Variants in KCNH8 observed in about 807,000 individuals in gnomAD.
KCNH8 encodes voltage-gated delayed rectifier potassium channel KCNH8.
KCNH8 carries 70 observed loss-of-function variants against 103.6 expected under a neutral mutation model. The ratio of observed to expected loss-of-function variants is 0.68; its 90% CI spans 0.56 to 0.82. The LOEUF (loss-of-function observed/expected upper bound fraction) is 0.82, where lower values mean the gene tolerates loss of function less well. Ranked by LOEUF, KCNH8 falls within the 40% of genes least tolerant of loss-of-function variation. The probability of loss-of-function intolerance (pLI) is 0.00; values close to 1 mark genes in which losing one functional copy is unlikely to be tolerated. For synonymous variants in KCNH8, 498 were observed against 489.4 expected, an observed-to-expected ratio of 1.02 and a Z score of -0.23; for missense variants, 1,217 against 1,329.9, an observed-to-expected ratio of 0.92 and a Z score of 1.32.
chr3:19,403,400 A>ATATATATATATATATATATAT (rs1553591408), intron 7 of KCNH8, among the ~76,000 whole-genome samples: 4 of 141,654 alleles, frequency 2.8e-5, no homozygotes, highest in East Asian at 2.1e-4. Flanking sequence ...ATATATATAT[A>ATATATATATATATATATATAT]AAATCCTTCT....
At chr3:19,494,039 T>C (rs1392490523) in intron 11 of KCNH8, among the ~76,000 whole-genome samples, 2 of 152,164 alleles carry the variant, frequency 1.3e-5, no homozygotes, top group African/African-American at 2.4e-5. Flanking sequence ...CAGTGTCTGT[T>C]GTTCTCTTTG....
chr3:19,501,493 A>G (rs998241716), intron 11 of KCNH8, among the ~76,000 whole-genome samples: 28 of 152,340 alleles, frequency 1.8e-4, no homozygotes, highest in Non-Finnish European at 3.1e-4. Flanking sequence ...TTTTAGACCA[A>G]TATCCCTGAT....
chr3:19,395,188 A>G lies in KCNH8; in HGVS notation c.1054A>G (p.Ser352Gly). The G allele has an allele frequency of 6.2e-7, 1 of 1,610,794 alleles. No homozygotes were observed. Among genetic ancestry groups the G allele is most frequent in the Non-Finnish European group, 8.5e-7 (1 of 1,178,468 alleles). Reference sequence around the variant, plus strand: ...GAAGTTAGACCGCTATTCCCAACACAGTACTATCGTCCTGACTCTGCTCAT... The same window carrying G: ...GAAGTTAGACCGCTATTCCCAACACGGTACTATCGTCCTGACTCTGCTCAT... ...LQKLDRYSQH[S>G]TIVLTLLMSM... Residue 352 changes from serine to glycine, a missense_variant, in exon 7 of 16, where the codon AGT becomes GGT. Transcript: ENST00000328405.
At chr3:19,527,475 A>G (rs565762005) in intron 15 of KCNH8, among the ~76,000 whole-genome samples, 14 of 152,190 alleles carry the variant, frequency 9.2e-5, no homozygotes, top group African/African-American at 2.2e-4. Context: ...TATATCTGTT[A>G]TATTATTTAA....
At chr3:19,511,932 T>A (rs934047650) in intron 12 of KCNH8, among the ~76,000 whole-genome samples, 1 of 152,292 alleles carries the variant, frequency 6.6e-6, no homozygotes, top group East Asian at 1.9e-4. Context: ...AAAATCCGTA[T>A]ACACCAAAAT....
At chr3:19,518,302 G>A (rs1225331971) in intron 15 of KCNH8, among the ~76,000 whole-genome samples, 1 of 152,020 alleles carries the variant, frequency 6.6e-6, no homozygotes, top group African/African-American at 2.4e-5. Flanking sequence ...AATAATGCCT[G>A]CCTTATGGCC....
intron 5 of KCNH8, among the ~76,000 whole-genome samples, chr3:19,374,231 T>C (rs1195217148): frequency 2.0e-5 from 3 of 151,498 alleles, no homozygotes; most frequent in Non-Finnish European, 4.4e-5. Context: ...CCATTATTAA[T>C]GTGTGGGAGT....
At chr3:19,403,307 T>C (rs2066640359) in intron 7 of KCNH8, among the ~76,000 whole-genome samples, 1 of 146,530 alleles carries the variant, frequency 6.8e-6, no homozygotes, top group African/African-American at 2.5e-5. Flanking sequence ...GACAATCTCA[T>C]ACAAACAATT....
At chr3:19,530,514 T>C (rs1031532214) in intron 15 of KCNH8, among the ~76,000 whole-genome samples, 1 of 152,148 alleles carries the variant, frequency 6.6e-6, no homozygotes, top group Non-Finnish European at 1.5e-5. Flanking sequence ...ACTAGAAAAA[T>C]AGTTCATCAG....
intron 2 of KCNH8, among the ~76,000 whole-genome samples, chr3:19,262,937 G>T (rs543158720): frequency 1.0e-3 from 154 of 152,124 alleles, no homozygotes; most frequent in African/African-American, 3.6e-3. Context: ...TCAAACCAGA[G>T]TCCAAGCCAA....
intron 5 of KCNH8, among the ~76,000 whole-genome samples, chr3:19,386,553 T>G (rs938903283): frequency 2.0e-5 from 3 of 152,152 alleles, no homozygotes; most frequent in Non-Finnish European, 4.4e-5. Context: ...TGAGTTAATT[T>G]GTTATGGATT....
intron 11 of KCNH8, among the ~76,000 whole-genome samples, chr3:19,506,414 G>A (rs759264088): frequency 1.3e-5 from 2 of 152,184 alleles, no homozygotes; most frequent in Non-Finnish European, 2.9e-5. Flanking sequence ...TTTCACAGAG[G>A]AGTATATTAC....
At chr3:19,349,545 T>C (rs1471868756) in intron 5 of KCNH8, among the ~76,000 whole-genome samples, 2 of 152,108 alleles carry the variant, frequency 1.3e-5, no homozygotes, top group South Asian at 4.1e-4. Context: ...CATCATCTTA[T>C]TGTTATTTAC....
intron 1 of KCNH8, among the ~76,000 whole-genome samples, chr3:19,234,598 G>T (rs2064038779): frequency 6.6e-6 from 1 of 151,926 alleles, no homozygotes; most frequent in African/African-American, 2.4e-5. Context: ...CCGTCCGCAG[G>T]CCCGGTTCCC....
chr3:19,359,988 G>A (rs2065927658), intron 5 of KCNH8, among the ~76,000 whole-genome samples: 1 of 151,782 alleles, frequency 6.6e-6, no homozygotes, highest in African/African-American at 2.4e-5. Context: ...GCCAAATAGA[G>A]AATAAACAAA....
At chr3:19,244,572 C>G (rs1253109550) in intron 1 of KCNH8, among the ~76,000 whole-genome samples, 1 of 152,106 alleles carries the variant, frequency 6.6e-6, no homozygotes, top group Admixed American at 6.6e-5. Flanking sequence ...CTGAACTAAT[C>G]TACATTCCAA....
intron 2 of KCNH8, among the ~76,000 whole-genome samples, chr3:19,269,135 G>A (rs2064553754): frequency 6.6e-6 from 1 of 151,982 alleles, no homozygotes; most frequent in Admixed American, 6.6e-5. Flanking sequence ...CACTGTTGAT[G>A]AGATCTAAGA....
At chr3:19,502,452 C>T (rs2068605979) in intron 11 of KCNH8, among the ~76,000 whole-genome samples, 1 of 151,986 alleles carries the variant, frequency 6.6e-6, no homozygotes, top group South Asian at 2.1e-4. Context: ...CGAAAAAGAG[C>T]CCGCATCGCC....
chr3:19,520,186 C>T (rs565800375), intron 15 of KCNH8, among the ~76,000 whole-genome samples: 9 of 150,838 alleles, frequency 6.0e-5, no homozygotes, highest in Admixed American at 5.3e-4. Flanking sequence ...CCTATCAACC[C>T]GTCATCTACA....
Sources: gnomAD v4.1 joint callset for allele counts (sites outside exome capture counted in the v4.1 genomes callset) on GRCh38, gnomAD v4.1.1 for gene constraint, MANE v1.5 for transcripts, NCBI Gene and HGNC (gene_info 2026-07-23, HGNC 2026-07-21) for gene names.